The following HERC1 variants were observed in gnomAD, a reference collection of about 807,000 sequenced individuals.
HERC1 encodes probable E3 ubiquitin-protein ligase HERC1.
Under a neutral mutation model 554.3 loss-of-function variants are expected in HERC1, and 160 were observed. That is an observed-to-expected ratio of 0.29 (90% CI 0.25 to 0.33). HERC1 has a LOEUF of 0.33. Among genes scored for constraint, HERC1 ranks in the 10% least tolerant of loss-of-function variants. The pLI, the probability that HERC1 is intolerant of heterozygous loss-of-function variation, is 1.00. For synonymous variants in HERC1, 2,175 were observed against 2,131.7 expected (o/e 1.02, Z -0.56); for missense variants, 4,919 against 5,918.5 (o/e 0.83, Z 5.54).
chr15:63,750,063 C>T (rs755727012), intron 8 of HERC1, among the ~76,000 whole-genome samples: 3 of 152,160 alleles, frequency 2.0e-5, no homozygotes, highest in African/African-American at 4.8e-5. Context: ...TCTGCTAAAC[C>T]ACTAATCGGC....
intron 73 of HERC1, among the ~76,000 whole-genome samples, chr15:63,623,245 C>G (rs2068163483): frequency 6.6e-6 from 1 of 152,084 alleles, no homozygotes; most frequent in Non-Finnish European, 1.5e-5. Context: ...CTAGGTAATG[C>G]TGGAAAGGAC....
At chr15:63,773,638 G>T (rs2076019210) in intron 2 of HERC1, among the ~76,000 whole-genome samples, 1 of 151,368 alleles carries the variant, frequency 6.6e-6, no homozygotes, top group Non-Finnish European at 1.5e-5. Flanking sequence ...CCGTCTCCTG[G>T]GTTCAAGCAA....
intron 8 of HERC1, chr15:63,752,373 T>C (rs1567087856): frequency 6.6e-6 from 1 of 152,208 alleles, no homozygotes; most frequent in Admixed American, 6.5e-5. Context: ...TCTATAATTA[T>C]ACCTGGCTCC....
chr15:63,668,135 CA>C (rs1390196911), intron 40 of HERC1, among the ~76,000 whole-genome samples: 1 of 151,756 alleles, frequency 6.6e-6, no homozygotes, highest in Non-Finnish European at 1.5e-5. Flanking sequence ...CAAAAGAGAA[CA>C]AAAAACAGGT....
rs941083027 is a variant in HERC1 at position 63,616,746 on chromosome 15, A to G, written c.13689-64T>C. 4.3e-5 allele frequency: 62 copies of G among 1,440,482 alleles called. No individual in the cohort carries two copies. In the African/African-American group the frequency reaches 8.0e-4, roughly 19 times the overall value. 89.2% of individuals were successfully genotyped at this position (1,440,482 alleles called of 1,614,324 possible). On this transcript the variant is annotated intron_variant, in intron 74 of 77. Coordinates refer to ENST00000443617, the MANE Select transcript of HERC1 (RefSeq NM_003922.4). ...TTATTTCTATTAGAAATAAGTTAGC[A>G]ACAACAGCTATAGCGTTAGTCTATA...
chr15:63,630,378 G>C (rs970824642), intron 69 of HERC1, 88 bp downstream of exon 69: 1 of 1,309,446 alleles, frequency 7.6e-7, no homozygotes, highest in Non-Finnish European at 1.1e-6. Context: ...AGTAGATTAT[G>C]AATTTCCTAG....
intron 34 of HERC1, 51 bp downstream of exon 34, chr15:63,686,308 A>G (rs1201813524): frequency 7.2e-6 from 10 of 1,380,118 alleles, no homozygotes; most frequent in Middle Eastern, 4.6e-4. Flanking sequence ...GAACCTGGAA[A>G]AAAAAGGACT....
At chr15:63,826,784 TAAAAAAAAAAAAAAA>T (rs71456333) in intron 1 of HERC1, among the ~76,000 whole-genome samples, 43 of 37,080 alleles carry the variant, frequency 1.2e-3, no homozygotes, top group South Asian at 2.7e-3. Context: ...TTATCTCTGG[TAAAAAAAAAAAAAAA>T]AAAAAAAAAA....
chr15:63,655,073 G>C (rs1448879274), intron 50 of HERC1, among the ~76,000 whole-genome samples: 1 of 152,112 alleles, frequency 6.6e-6, no homozygotes, highest in Non-Finnish European at 1.5e-5. Context: ...GCCAGTATCG[G>C]CTGGGTGTGG....
At chr15:63,635,568 T>C (rs1049029940) in intron 65 of HERC1, among the ~76,000 whole-genome samples, 1 of 152,220 alleles carries the variant, frequency 6.6e-6, no homozygotes, top group Non-Finnish European at 1.5e-5. Context: ...TAGAACACTA[T>C]TTTCCAGAAA....
At chr15:63,681,744 G>A (rs1212057291) in intron 34 of HERC1, among the ~76,000 whole-genome samples, 1 of 152,284 alleles carries the variant, frequency 6.6e-6, no homozygotes, top group South Asian at 2.1e-4. Flanking sequence ...CCAGCCCCCA[G>A]TAAAAACCTT....
Position 63,643,458 on chromosome 15 carries a change from C to A in HERC1, c.11277G>T (p.Gly3759=). 1 of 1,613,326 alleles carries A rather than the reference C, an allele frequency of 6.2e-7. No individual in the cohort carries two copies. The highest frequency in any genetic ancestry group is 1.3e-5 in the African/African-American group (1 of 75,036). The change falls in exon 58 of 78, where the codon GGG becomes GGT. Residue 3759 remains glycine (G), a synonymous_variant. Transcript: ENST00000443617. Reference sequence around the variant, plus strand: ...CTAGTCCACCAGACACCAGGGCCAACCCATCAGAACTAAAGGCAACAGTCC... The same window carrying A: ...CTAGTCCACCAGACACCAGGGCCAAACCATCAGAACTAAAGGCAACAGTCC... ...PVRTVAFSSD[G]LALVSGGLGG...
chr15:63,647,802 CA>C (rs2152871277), intron 55 of HERC1, among the ~76,000 whole-genome samples: 1 of 151,996 alleles, frequency 6.6e-6, no homozygotes, highest in South Asian at 2.1e-4. Flanking sequence ...ATTAAAAAGA[CA>C]AAAAACAACA....
At chr15:63,782,612 A>T (rs2076319642) in intron 1 of HERC1, among the ~76,000 whole-genome samples, 2 of 152,254 alleles carry the variant, frequency 1.3e-5, no homozygotes, top group South Asian at 2.1e-4. Flanking sequence ...TCTGCAGCAC[A>T]TGGATAAAGA....
intron 34 of HERC1, among the ~76,000 whole-genome samples, chr15:63,682,643 G>A (rs1413759349): frequency 1.3e-5 from 2 of 152,074 alleles, no homozygotes; most frequent in African/African-American, 4.8e-5. Context: ...AGAATAGAAA[G>A]GAACTACTCC....
intron 19 of HERC1, among the ~76,000 whole-genome samples, chr15:63,722,429 T>A (rs766769096): frequency 4.6e-5 from 7 of 152,230 alleles, no homozygotes; most frequent in Non-Finnish European, 1.0e-4. Flanking sequence ...TCCATTTACA[T>A]AGCACGGAAT....
At chr15:63,699,137 G>T in intron 25 of HERC1, 141 bp from the exon 26 acceptor site, 1 of 685,348 alleles carries the variant, frequency 1.5e-6, no homozygotes, top group Non-Finnish European at 2.4e-6. Context: ...TGCATTAAGT[G>T]AATCTGAGCA....
intron 74 of HERC1, among the ~76,000 whole-genome samples, chr15:63,618,805 T>G (rs191802195): frequency 2.7e-4 from 41 of 152,316 alleles, no homozygotes; most frequent in Admixed American, 2.7e-3. Context: ...CTGTCTGTTA[T>G]TGGTGTATAA....
intron 33 of HERC1, among the ~76,000 whole-genome samples, chr15:63,687,805 G>GA (rs2071863956): frequency 6.6e-6 from 1 of 152,158 alleles, no homozygotes; most frequent in Admixed American, 6.5e-5. Flanking sequence ...AGGCCTCTCT[G>GA]AAGATGTGAT....
Sources: gnomAD v4.1 joint callset for allele counts (sites outside exome capture counted in the v4.1 genomes callset) on GRCh38, gnomAD v4.1.1 for gene constraint, MANE v1.5 for transcripts, NCBI Gene and HGNC (gene_info 2026-07-23, HGNC 2026-07-21) for gene names.